The following IRAK4 variants were observed in gnomAD, a reference collection of about 807,000 sequenced individuals.
IRAK4 encodes interleukin-1 receptor-associated kinase 4.
Under a neutral mutation model 51.8 loss-of-function variants are expected in IRAK4, and 44 were observed. The ratio of observed to expected loss-of-function variants is 0.85; its 90% confidence interval spans 0.67 to 1.09. The LOEUF (loss-of-function observed/expected upper bound fraction) is 1.09, where lower values mean the gene tolerates loss of function less well. Ranked by LOEUF, IRAK4 falls within the 50% of genes least tolerant of loss-of-function variation. The probability of loss-of-function intolerance (pLI) is 0.00; values close to 1 mark genes in which losing one functional copy is unlikely to be tolerated. For missense variants in IRAK4, 487 were observed against 538.0 expected, an observed-to-expected ratio of 0.91 and a Z score of 0.94; for synonymous variants, 149 against 174.1, an observed-to-expected ratio of 0.86 and a Z score of 1.13.
chr12:43,767,201 A>G (rs771812249), intron 1 of IRAK4, among the ~76,000 whole-genome samples: 2 of 152,210 alleles, frequency 1.3e-5, no homozygotes, highest in Non-Finnish European at 2.9e-5. Flanking sequence ...ATCATTTCCT[A>G]TTGAGAATGA....
At chr12:43,774,853 T>A (rs1941126278) in intron 6 of IRAK4, among the ~76,000 whole-genome samples, 1 of 152,214 alleles carries the variant, frequency 6.6e-6, no homozygotes, top group Non-Finnish European at 1.5e-5. Context: ...GTGATTGATA[T>A]TTGAGTGTGT....
chr12:43,773,081 T>C lies in IRAK4; in HGVS notation c.651+9T>C, dbSNP rs1940936885. The C allele has an allele frequency of 4.3e-6, 7 of 1,611,772 alleles. No homozygotes were observed. Among genetic ancestry groups the C allele is most frequent in the African/African-American group, 1.3e-5 (1 of 74,852 alleles). On this transcript the variant is annotated intron_variant, in intron 5 of 11. Coordinates refer to ENST00000613694, the MANE Select transcript of IRAK4 (RefSeq NM_016123.4). ...TGAAGAAGCTTGCAGCAGTAAGTTA[T>C]ATTTTCAGGAATAAAAAGAAAGAGT...
intron 7 of IRAK4, 137 bp downstream of exon 7, chr12:43,777,881 G>A (rs913275123): frequency 6.4e-6 from 5 of 778,510 alleles, no homozygotes; most frequent in East Asian, 2.7e-5. Context: ...CAGTTGATAT[G>A]TCAACAAATT....
rs1942291922 is a variant in IRAK4 at position 43,787,472 on chromosome 12, G to T, written c.*757G>T. 6.6e-6 allele frequency: 1 copy of T among 152,176 alleles called. No homozygotes were observed. The highest frequency in any genetic ancestry group is 6.5e-5 in the Admixed American group (1 of 15,268). The allele number at this position is 152,176 out of a possible 1,614,324, so 9.4% of individuals were successfully genotyped here. ...CTTGCAAGAAGAATTCTCCTTGTAA[G>T]CCTTGAAGAAGTATGTGAGAGGGCC... On this transcript the variant is annotated 3_prime_UTR_variant, in exon 12 of 12. Coordinates refer to ENST00000613694, the MANE Select transcript of IRAK4 (RefSeq NM_016123.4).
chr12:43,783,465 G>C (rs1263233169), intron 9 of IRAK4, among the ~76,000 whole-genome samples, 197 bp from the exon 10 acceptor site: 1 of 152,042 alleles, frequency 6.6e-6, no homozygotes, highest in Non-Finnish European at 1.5e-5. Flanking sequence ...CTACAGGTGT[G>C]TGCCACCACA....
chr12:43,764,706 G>C (rs540770762), intron 1 of IRAK4, among the ~76,000 whole-genome samples: 1 of 152,200 alleles, frequency 6.6e-6, no homozygotes, highest in Non-Finnish European at 1.5e-5. Flanking sequence ...AATTGCCCTT[G>C]TTTGATGAGA....
intron 10 of IRAK4, among the ~76,000 whole-genome samples, chr12:43,783,961 A>G (rs1942001247): frequency 6.6e-6 from 1 of 152,204 alleles, no homozygotes; most frequent in South Asian, 2.1e-4. Flanking sequence ...TTTGTGGGTA[A>G]AATGAGAATA....
chr12:43,761,029 CTTACTG>C (rs1307651798), intron 1 of IRAK4: 1 of 152,104 alleles, frequency 6.6e-6, no homozygotes, highest in African/African-American at 2.4e-5. Flanking sequence ...TTTTCAATTA[CTTACTG>C]TTGTGTTGGA....
intron 6 of IRAK4, among the ~76,000 whole-genome samples, chr12:43,775,873 A>AC (rs1941213708): frequency 8.4e-6 from 1 of 119,518 alleles, no homozygotes; most frequent in African/African-American, 3.6e-5. Flanking sequence ...TAATATCATT[A>AC]CTTTTTTTTT....
intron 1 of IRAK4, among the ~76,000 whole-genome samples, chr12:43,761,733 T>C (rs1441035268): frequency 1.3e-5 from 2 of 152,358 alleles, no homozygotes; most frequent in East Asian, 3.9e-4. Context: ...TAAAACTTTA[T>C]TAACACATTT....
intron 7 of IRAK4, 29 bp downstream of exon 7, chr12:43,777,773 G>A: frequency 6.5e-7 from 1 of 1,547,610 alleles, no homozygotes. Context: ...AGATTGTTTG[G>A]CTTTTTGTTT....
chr12:43,771,401 G>A lies in IRAK4; in HGVS notation c.307+36G>A, dbSNP rs753986362. On this transcript the variant is annotated intron_variant, in intron 3 of 11. Coordinates refer to ENST00000613694, the MANE Select transcript of IRAK4 (RefSeq NM_016123.4). ...TGTGACCAGGGTGTCCACAATTAGGGTGGAAAGACAAATGGCAGAAATATA... is the reference window on the plus strand; with the variant it reads ...TGTGACCAGGGTGTCCACAATTAGGATGGAAAGACAAATGGCAGAAATATA... 19 of 1,607,954 alleles carry A rather than the reference G, an allele frequency of 1.2e-5. No homozygotes were observed. In the South Asian group the frequency reaches 1.8e-4, roughly 15 times the overall value.
At chr12:43,771,414 T>C (rs1156655190) in intron 3 of IRAK4, 49 bp downstream of exon 3, 5 of 1,579,100 alleles carry the variant, frequency 3.2e-6, no homozygotes, top group Admixed American at 1.7e-5. Context: ...GAAAGACAAA[T>C]GGCAGAAATA....
intron 1 of IRAK4, among the ~76,000 whole-genome samples, chr12:43,760,504 C>T (rs974420344): frequency 1.3e-5 from 2 of 152,320 alleles, no homozygotes; most frequent in Admixed American, 1.3e-4. Flanking sequence ...CTCTAAGGCC[C>T]TTGAAGACCT....
At chr12:43,766,033 A>G (rs889486920) in intron 1 of IRAK4, among the ~76,000 whole-genome samples, 20 of 152,150 alleles carry the variant, frequency 1.3e-4, no homozygotes, top group African/African-American at 4.3e-4. Context: ...TCTTGCCTCA[A>G]TATACATCCC....
intron 8 of IRAK4, 111 bp downstream of exon 8, chr12:43,778,413 T>C (rs1161804125): frequency 2.9e-6 from 2 of 695,450 alleles, no homozygotes; most frequent in South Asian, 3.1e-5. Context: ...TGGACTTTTT[T>C]CCCATCACTC....
At chr12:43,782,227 C>T (rs1293665078) in intron 8 of IRAK4, 80 bp from the exon 9 acceptor site, 12 of 850,556 alleles carry the variant, frequency 1.4e-5, no homozygotes, top group African/African-American at 6.7e-5. Context: ...TGCATACATA[C>T]GTACATCTAG....
Position 43,787,425 on chromosome 12 carries a change from G to T in IRAK4, c.*710G>T, listed in dbSNP as rs1429149406. 1 of 152,230 alleles carries T rather than the reference G, an allele frequency of 6.6e-6. No homozygotes were observed. Among genetic ancestry groups the T allele is most frequent in the African/African-American group, 2.4e-5 (1 of 41,452 alleles). The allele number at this position is 152,230 out of a possible 1,614,324, so 9.4% of individuals were successfully genotyped here. A position where few individuals can be genotyped will look rare whatever the true frequency, so the allele number is the denominator to read the frequency against. On this transcript the variant is annotated 3_prime_UTR_variant, in exon 12 of 12. Transcript: ENST00000613694. ...AACTCACTTTGAGACTGTTGAAAGG[G>T]CCTGACCTAATCAAGTGAACCCTTG...
At chr12:43,783,044 G>A (rs775550535) in intron 9 of IRAK4, among the ~76,000 whole-genome samples, 2 of 152,122 alleles carry the variant, frequency 1.3e-5, no homozygotes, top group Non-Finnish European at 2.9e-5. Context: ...CAAGAGGCAG[G>A]AAAAGGATTG....
Sources: allele counts gnomAD v4.1 joint callset (sites outside exome capture counted in the v4.1 genomes callset), GRCh38; gene constraint gnomAD v4.1.1; transcripts MANE v1.5; gene names NCBI Gene and HGNC (gene_info 2026-07-23, HGNC 2026-07-21).